Variants in CELF2 observed in about 807,000 individuals in gnomAD.
The protein encoded by CELF2 is CUGBP Elav-like family member 2, also known as CUG triplet repeat RNA-binding protein 2.
In CELF2, 8 loss-of-function variants were observed where a neutral mutation model predicts 62.6. That is an observed-to-expected ratio of 0.13 (90% confidence interval 0.07 to 0.23). The LOEUF (loss-of-function observed/expected upper bound fraction) is 0.23. Among genes scored for constraint, CELF2 ranks in the 10% least tolerant of loss-of-function variants. CELF2 has a pLI of 1.00. For synonymous variants in CELF2, 258 were observed against 250.0 expected, an observed-to-expected ratio of 1.03 and a Z score of -0.30; for missense variants, 333 against 671.0, an observed-to-expected ratio of 0.50 and a Z score of 5.56.
intron 1 of CELF2, among the ~76,000 whole-genome samples, chr10:11,141,066 T>C (rs1305185407): frequency 6.6e-6 from 1 of 152,234 alleles, no homozygotes; most frequent in Non-Finnish European, 1.5e-5. Context: ...GAGTCATTCA[T>C]TGAGTACAAT....
rs753129344 is a variant in CELF2, at chr10:11,211,212, G to A, written c.272-6213G>A. Among the ~76,000 whole-genome samples, 15 of 152,204 alleles carry A rather than the reference G, an allele frequency of 9.9e-5. No homozygotes were observed. The highest frequency in any genetic ancestry group is 5.9e-4 in the Admixed American group (9 of 15,286). ...GAAGATGACTTTAGCTCAGGAGTTC[G>A]AAGTTAAAGTGAACTATGATTGCAC... On this transcript the variant is annotated intron_variant, in intron 2 of 12. Transcript: ENST00000633077. The surrounding 1 kb of genome is among the most constrained non-coding windows in gnomAD (Gnocchi z 4.8).
chr10:10,691,489 C>T, the CELF2 span, among the ~76,000 whole-genome samples: 1 of 151,160 alleles, frequency 6.6e-6, no homozygotes, highest in East Asian at 1.9e-4. Flanking sequence ...GTCTTTATAG[C>T]AGCATGATTT....
intron 11 of CELF2, among the ~76,000 whole-genome samples, chr10:11,322,001 A>G (rs1233567616): frequency 1.3e-5 from 2 of 152,150 alleles, no homozygotes; most frequent in African/African-American, 4.8e-5. Context: ...AATTTCCCAT[A>G]AACTACTTCA....
At chr10:10,759,319 T>C in the CELF2 span, among the ~76,000 whole-genome samples, 1 of 145,988 alleles carries the variant, frequency 6.8e-6, no homozygotes, top group Non-Finnish European at 1.5e-5. Flanking sequence ...TTTTTTTTTT[T>C]TTTTTTTGAG....
the CELF2 span, among the ~76,000 whole-genome samples, chr10:10,560,702 T>A: frequency 6.6e-6 from 1 of 152,194 alleles, no homozygotes; most frequent in Non-Finnish European, 1.5e-5. Flanking sequence ...AATCATTATT[T>A]GAAAAAGATA....
chr10:10,576,217 C>G, the CELF2 span, among the ~76,000 whole-genome samples: 3 of 152,144 alleles, frequency 2.0e-5, no homozygotes, highest in African/African-American at 7.2e-5. Context: ...AAAAGAAGTT[C>G]AAGGACTAAG....
chr10:10,741,598 G>A, the CELF2 span, among the ~76,000 whole-genome samples: 1 of 151,112 alleles, frequency 6.6e-6, no homozygotes, highest in Admixed American at 6.6e-5. Flanking sequence ...GTGCTCTCCT[G>A]ATTAGAAGAC....
At chr10:10,648,678 AT>A in the CELF2 span, among the ~76,000 whole-genome samples, 1 of 151,952 alleles carries the variant, frequency 6.6e-6, no homozygotes, top group Non-Finnish European at 1.5e-5. Flanking sequence ...GTATATTTTG[AT>A]TTTCTCTTAC....
intron 12 of CELF2, among the ~76,000 whole-genome samples, chr10:11,326,458 C>A (rs149849434): frequency 6.6e-6 from 1 of 152,210 alleles, no homozygotes; most frequent in Admixed American, 6.5e-5. Context: ...TTACATAGCA[C>A]GCTGCATGAT....
chr10:11,301,757 A>G (rs2093775508), intron 9 of CELF2, among the ~76,000 whole-genome samples: 1 of 151,430 alleles, frequency 6.6e-6, no homozygotes, highest in Non-Finnish European at 1.5e-5. Context: ...CTGTTTCTGA[A>G]GCTCTTCCTA....
intron 3 of CELF2, among the ~76,000 whole-genome samples, chr10:11,231,595 C>T (rs1469981470): frequency 4.0e-5 from 6 of 150,506 alleles, no homozygotes; most frequent in African/African-American, 1.5e-4. Flanking sequence ...CTTACAGAAG[C>T]ACACACATTG....
At chr10:10,538,588 C>A in the CELF2 span, among the ~76,000 whole-genome samples, 4 of 151,948 alleles carry the variant, frequency 2.6e-5, no homozygotes, top group Non-Finnish European at 4.4e-5. Flanking sequence ...CCACCCCTAT[C>A]CCCTGCCCAA....
At chr10:10,469,085 C>T in the CELF2 span, among the ~76,000 whole-genome samples, 1 of 151,768 alleles carries the variant, frequency 6.6e-6, no homozygotes, top group Non-Finnish European at 1.5e-5. Context: ...CCTTGCATAA[C>T]GTTTTAGTGT....
chr10:10,826,300 T>G (rs1590855883), intron 1 of CELF2, among the ~76,000 whole-genome samples: 1 of 152,206 alleles, frequency 6.6e-6, no homozygotes, highest in East Asian at 1.9e-4. Flanking sequence ...TGCTTAGTTA[T>G]TCATCTAGCT....
chr10:10,965,403 T>C (rs547822293), intron 2 of CELF2, among the ~76,000 whole-genome samples: 1 of 152,312 alleles, frequency 6.6e-6, no homozygotes, highest in South Asian at 2.1e-4. Context: ...AATTGATCTG[T>C]GATTAACATA....
At chr10:11,288,614 G>T (rs1247587313) in intron 9 of CELF2, 62 bp downstream of exon 9, 1 of 1,575,910 alleles carries the variant, frequency 6.3e-7, no homozygotes. Flanking sequence ...GTAGGTTTCC[G>T]TGCCTCCAGG....
intron 1 of CELF2, among the ~76,000 whole-genome samples, chr10:10,847,744 C>T (rs1448051123): frequency 6.6e-6 from 1 of 152,156 alleles, no homozygotes; most frequent in Non-Finnish European, 1.5e-5. Context: ...TCACCTGGGC[C>T]CTACCCCAGA....
the CELF2 span, among the ~76,000 whole-genome samples, chr10:10,692,014 G>A: frequency 6.7e-6 from 1 of 149,980 alleles, no homozygotes; most frequent in Non-Finnish European, 1.5e-5. Context: ...TTAGTTTAAT[G>A]AGATCCCATT....
intron 1 of CELF2, among the ~76,000 whole-genome samples, chr10:10,805,866 C>A (rs2055170853): frequency 6.6e-6 from 1 of 152,184 alleles, no homozygotes; most frequent in Non-Finnish European, 1.5e-5. Context: ...ACCAGCTAAA[C>A]CATCTGTTGA....
Sources: allele counts gnomAD v4.1 joint callset (sites outside exome capture counted in the v4.1 genomes callset), GRCh38; gene constraint gnomAD v4.1.1; non-coding constraint Gnocchi (gnomAD v3.1); transcripts MANE v1.5; gene names NCBI Gene and HGNC (gene_info 2026-07-23, HGNC 2026-07-21).